CSMD1: variants seen among roughly 807,000 people sequenced by gnomAD.
CSMD1 encodes CUB and sushi domain-containing protein 1.
A neutral mutation model predicts 417.5 loss-of-function variants in CSMD1; 213 were observed. The ratio of observed to expected loss-of-function variants is 0.51; its 90% CI spans 0.46 to 0.57. The LOEUF is 0.57. CSMD1 is among the 20% of genes least tolerant of loss of function. The pLI is 0.00. For synonymous variants in CSMD1, 2,862 were observed against 1,736.8 expected, an observed-to-expected ratio of 1.65 and a Z score of -16.11; for missense variants, 6,923 against 4,529.7, an observed-to-expected ratio of 1.53 and a Z score of -15.17.
At chr8:4,068,212 C>T (rs908085553) in intron 3 of CSMD1, among the ~76,000 whole-genome samples, 2 of 152,148 alleles carry the variant, frequency 1.3e-5, no homozygotes, top group African/African-American at 4.8e-5. Context: ...ATCTTCCGTG[C>T]AGTGTTAAAA....
chr8:4,241,113 G>C (rs764787930), intron 3 of CSMD1, among the ~76,000 whole-genome samples: 1 of 152,064 alleles, frequency 6.6e-6, no homozygotes, highest in Non-Finnish European at 1.5e-5. Flanking sequence ...CTAAACCTGT[G>C]TTTCAATGAA....
At chr8:4,938,215 C>A (rs1807752555) in intron 1 of CSMD1, among the ~76,000 whole-genome samples, 2 of 152,102 alleles carry the variant, frequency 1.3e-5, no homozygotes, top group Admixed American at 1.3e-4. Context: ...ACTAGTGAAG[C>A]TCTGGAGTGA....
At chr8:3,564,517 TTGTGTGTGTGTGTG>T (rs34665230) in intron 10 of CSMD1, among the ~76,000 whole-genome samples, 3 of 145,494 alleles carry the variant, frequency 2.1e-5, no homozygotes, top group African/African-American at 7.7e-5. Context: ...CACAGTATAT[TTGTGTGTGTGTGTG>T]TGTGTGTGTG....
chr8:3,950,940 G>C (rs1169134346), intron 5 of CSMD1, among the ~76,000 whole-genome samples: 10 of 151,980 alleles, frequency 6.6e-5, no homozygotes, highest in Admixed American at 4.6e-4. Flanking sequence ...GCCCTGAACA[G>C]ACAAGAAGAA....
rs202035186 is a variant in CSMD1 at position 4,728,287 on chromosome 8, T to C, written c.86-90729A>G. Among the ~76,000 whole-genome samples the C allele has an allele frequency of 4.0e-5, 6 of 151,314 alleles. No individual in the cohort carries two copies. In the East Asian group the frequency reaches 5.8e-4, roughly 15 times the overall value. ...GTATATGATTTGGGTTGAAATAAAA[T>C]TTTAATATTAGGTGTTTATATATTT... On this transcript the variant is annotated intron_variant, in intron 1 of 69. Transcript: ENST00000635120.
chr8:3,489,166 A>C (rs28568619), intron 11 of CSMD1, among the ~76,000 whole-genome samples: 41,098 of 152,064 alleles, frequency 0.27, 5,588 homozygotes, highest in African/African-American at 0.3. Flanking sequence ...AGCAGAAAAC[A>C]ACAGGGAGAA....
At chr8:3,867,620 T>C (rs1157075952) in intron 5 of CSMD1, among the ~76,000 whole-genome samples, 1 of 152,088 alleles carries the variant, frequency 6.6e-6, no homozygotes, top group Non-Finnish European at 1.5e-5. Context: ...TATACATATA[T>C]CTATATATTT....
intron 3 of CSMD1, among the ~76,000 whole-genome samples, chr8:4,035,437 C>T (rs1797567586): frequency 6.6e-6 from 1 of 152,138 alleles, no homozygotes; most frequent in African/African-American, 2.4e-5. Flanking sequence ...TAGTCAGGTC[C>T]TTCAGGAAGG....
chr8:3,867,257 C>A (rs111535445), intron 5 of CSMD1, among the ~76,000 whole-genome samples: 1,656 of 152,206 alleles, frequency 0.011, 20 homozygotes, highest in Non-Finnish European at 0.016. Context: ...GTGTAAGAAG[C>A]AAGACCATAC....
At chr8:4,035,923 A>G (rs1170352389) in intron 3 of CSMD1, among the ~76,000 whole-genome samples, 2 of 152,188 alleles carry the variant, frequency 1.3e-5, no homozygotes, top group African/African-American at 4.8e-5. Flanking sequence ...CACCCAGAGC[A>G]ACTTCCAGCC....
At chr8:4,635,872 A>G (rs1348387209) in intron 2 of CSMD1, among the ~76,000 whole-genome samples, 1 of 152,114 alleles carries the variant, frequency 6.6e-6, no homozygotes. Context: ...TGTTTCAGAA[A>G]AGAGACGGCC....
intron 3 of CSMD1, among the ~76,000 whole-genome samples, chr8:4,342,817 C>A (rs1800556247): frequency 6.6e-6 from 1 of 151,716 alleles, no homozygotes; most frequent in Non-Finnish European, 1.5e-5. Flanking sequence ...CCTGCCACAA[C>A]ATCGCAAAGA....
At chr8:4,264,911 TA>T (rs1169137409) in intron 3 of CSMD1, among the ~76,000 whole-genome samples, 5 of 152,214 alleles carry the variant, frequency 3.3e-5, no homozygotes, top group Non-Finnish European at 5.9e-5. Flanking sequence ...GAATTGGGTT[TA>T]AGTCCCATTT....
intron 6 of CSMD1, among the ~76,000 whole-genome samples, chr8:3,737,033 C>A (rs1430274108): frequency 4.6e-5 from 7 of 152,178 alleles, no homozygotes; most frequent in Non-Finnish European, 1.0e-4. Flanking sequence ...TACATGATTA[C>A]GTCCAATTAT....
intron 7 of CSMD1, among the ~76,000 whole-genome samples, chr8:3,655,709 T>C (rs2117413595): frequency 6.6e-6 from 1 of 150,670 alleles, no homozygotes; most frequent in African/African-American, 2.4e-5. Flanking sequence ...TATCCACCCA[T>C]TCTAAATGAT....
At chr8:4,204,081 A>T (rs1262029065) in intron 3 of CSMD1, among the ~76,000 whole-genome samples, 3 of 152,180 alleles carry the variant, frequency 2.0e-5, no homozygotes. Context: ...AGCCTGGGTG[A>T]CAGAACAAGA....
chr8:3,750,681 A>G (rs1318695632), intron 6 of CSMD1, among the ~76,000 whole-genome samples: 1 of 152,140 alleles, frequency 6.6e-6, no homozygotes. Context: ...AAGGTTTCAC[A>G]TTTGCCCTCT....
intron 26 of CSMD1, among the ~76,000 whole-genome samples, chr8:3,231,315 G>C (rs953603260): frequency 6.6e-6 from 1 of 152,000 alleles, no homozygotes; most frequent in Non-Finnish European, 1.5e-5. Context: ...ATTAAAAGCT[G>C]ACTTTTTCTC....
chr8:4,731,801 T>C (rs1012210847), intron 1 of CSMD1, among the ~76,000 whole-genome samples: 8 of 152,150 alleles, frequency 5.3e-5, no homozygotes, highest in Admixed American at 2.0e-4. Flanking sequence ...TTATTTAGGG[T>C]TGGGCGAACA....
Sources: allele counts gnomAD v4.1 joint callset (sites outside exome capture counted in the v4.1 genomes callset), GRCh38; gene constraint gnomAD v4.1.1; transcripts MANE v1.5; gene names NCBI Gene and HGNC (gene_info 2026-07-23, HGNC 2026-07-21).